RNF130: variants seen among roughly 807,000 people sequenced by gnomAD.
The protein encoded by RNF130 is ring finger protein 130.
RNF130 carries 21 observed loss-of-function variants against 44.6 expected under a neutral mutation model. That is an observed-to-expected ratio of 0.47 (90% confidence interval 0.33 to 0.68). The LOEUF (loss-of-function observed/expected upper bound fraction) is 0.68, where lower values mean the gene tolerates loss of function less well. RNF130 is among the 30% of genes least tolerant of loss of function. The pLI is 0.02. For synonymous variants in RNF130, 214 were observed against 210.4 expected, an observed-to-expected ratio of 1.02 and a Z score of -0.15; for missense variants, 479 against 560.6, an observed-to-expected ratio of 0.85 and a Z score of 1.47.
intron 3 of RNF130, among the ~76,000 whole-genome samples, chr5:179,980,812 A>C (rs546057578): frequency 1.6e-4 from 24 of 152,282 alleles, no homozygotes; most frequent in African/African-American, 4.3e-4. Context: ...AGAAACTCCA[A>C]GGCTGGATTT....
intron 3 of RNF130, among the ~76,000 whole-genome samples, chr5:179,997,084 T>G (rs1763216845): frequency 6.6e-6 from 1 of 152,178 alleles, no homozygotes; most frequent in Admixed American, 6.5e-5. Flanking sequence ...GTTGTCAATT[T>G]TATTTTTTCA....
chr5:179,975,448 G>A (rs1471889414), intron 5 of RNF130, among the ~76,000 whole-genome samples: 1 of 152,234 alleles, frequency 6.6e-6, no homozygotes. Flanking sequence ...AATGTCAACA[G>A]TGCCAAGGCT....
chr5:179,946,764 C>T (rs1431244163), intron 7 of RNF130, among the ~76,000 whole-genome samples: 1 of 152,122 alleles, frequency 6.6e-6, no homozygotes, highest in Non-Finnish European at 1.5e-5. Flanking sequence ...CCGTGTTAGC[C>T]AGGATGGTCT....
At chr5:180,038,067 T>C (rs941974447) in intron 2 of RNF130, among the ~76,000 whole-genome samples, 4 of 152,206 alleles carry the variant, frequency 2.6e-5, no homozygotes, top group African/African-American at 7.2e-5. Context: ...TTTGTGTTTG[T>C]CTTTGAGACA....
intron 7 of RNF130, among the ~76,000 whole-genome samples, chr5:179,966,556 G>A (rs563378207): frequency 6.6e-6 from 1 of 152,262 alleles, no homozygotes; most frequent in East Asian, 1.9e-4. Flanking sequence ...ATAAAACAGC[G>A]ACTAAGACAG....
chr5:179,948,481 C>T (rs112594478), intron 7 of RNF130, among the ~76,000 whole-genome samples: 8,801 of 152,076 alleles, frequency 0.058, 878 homozygotes, highest in African/African-American at 0.2. Context: ...ACAAGCCTAG[C>T]CAACATGGTG....
chr5:179,923,323 G>C (rs551745223), intron 7 of RNF130, among the ~76,000 whole-genome samples: 1 of 152,260 alleles, frequency 6.6e-6, no homozygotes, highest in East Asian at 1.9e-4. Flanking sequence ...AACTGTCTTG[G>C]CACCTTTATG....
At chr5:179,927,707 G>A (rs1008120176) in intron 7 of RNF130, among the ~76,000 whole-genome samples, 1 of 149,958 alleles carries the variant, frequency 6.7e-6, no homozygotes, top group Non-Finnish European at 1.5e-5. Flanking sequence ...TCCTGCCTCA[G>A]TCTCCTGAGT....
intron 3 of RNF130, among the ~76,000 whole-genome samples, chr5:180,003,857 A>T (rs1446350393): frequency 2.6e-5 from 4 of 152,232 alleles, no homozygotes; most frequent in Non-Finnish European, 5.9e-5. Context: ...TCCATGGGGC[A>T]GATGCATTAA....
chr5:180,045,531 T>G (rs549898383), intron 1 of RNF130, among the ~76,000 whole-genome samples: 3 of 152,230 alleles, frequency 2.0e-5, no homozygotes, highest in African/African-American at 7.2e-5. Context: ...AGTGGACCTC[T>G]GCACGTTGCC....
chr5:180,066,175 T>C (rs1765103206), intron 1 of RNF130, among the ~76,000 whole-genome samples: 1 of 152,204 alleles, frequency 6.6e-6, no homozygotes. Flanking sequence ...AGGGACCCAG[T>C]GGGAGATAAC....
intron 2 of RNF130, among the ~76,000 whole-genome samples, chr5:180,026,070 G>T (rs752774088): frequency 5.3e-5 from 8 of 150,298 alleles, no homozygotes; most frequent in Non-Finnish European, 1.0e-4. Context: ...AAGAGAATAT[G>T]ATGGAAAAAA....
At chr5:179,967,085 A>C in intron 6 of RNF130, 75 bp from the exon 7 acceptor site, 2 of 1,382,814 alleles carry the variant, frequency 1.4e-6, no homozygotes, top group Non-Finnish European at 2.0e-6. Context: ...AAAGATTCTA[A>C]ACTTTGACGC....
chr5:180,010,900 T>C (rs755428756), intron 3 of RNF130, among the ~76,000 whole-genome samples: 50 of 152,088 alleles, frequency 3.3e-4, no homozygotes, highest in Non-Finnish European at 6.0e-4. Flanking sequence ...TAAGTACACA[T>C]TAAACTGGAG....
intron 2 of RNF130, among the ~76,000 whole-genome samples, chr5:180,020,896 C>T (rs1255127588): frequency 6.6e-6 from 1 of 152,164 alleles, no homozygotes; most frequent in Non-Finnish European, 1.5e-5. Context: ...AACACAGGAA[C>T]TCCCACAAAT....
chr5:179,973,946 A>C lies in RNF130; in HGVS notation c.849-3440T>G, dbSNP rs563746149. On this transcript the variant is annotated intron_variant, in intron 5 of 8. Transcript: ENST00000521389. Reference sequence around the variant, plus strand: ...GAAACAAATAGAACATGAAAGGAACAAACCCAGCAATCATGAAATTCAGCG... The same window carrying C: ...GAAACAAATAGAACATGAAAGGAACCAACCCAGCAATCATGAAATTCAGCG... Among the ~76,000 whole-genome samples the C allele has an allele frequency of 2.0e-5, 3 of 152,276 alleles. No homozygotes were observed. The South Asian group carries it at 6.2e-4, about 32-fold the overall frequency.
intron 2 of RNF130, among the ~76,000 whole-genome samples, chr5:180,016,244 C>T (rs1350475586): frequency 6.6e-6 from 1 of 152,186 alleles, no homozygotes; most frequent in African/African-American, 2.4e-5. Flanking sequence ...GCCTTCTCCC[C>T]ATACTCCACC....
chr5:180,020,121 G>A (rs1212270304), intron 2 of RNF130, among the ~76,000 whole-genome samples: 2 of 152,166 alleles, frequency 1.3e-5, no homozygotes, highest in South Asian at 2.1e-4. Flanking sequence ...TTTGCAACTC[G>A]AGATGTAACA....
At chr5:180,007,532 CCTT>C (rs1731527705) in intron 3 of RNF130, among the ~76,000 whole-genome samples, 1 of 152,194 alleles carries the variant, frequency 6.6e-6, no homozygotes, top group Non-Finnish European at 1.5e-5. Context: ...GCTGCTGCCA[CCTT>C]CTTATTAAAC....
Sources: gnomAD v4.1 joint callset for allele counts (sites outside exome capture counted in the v4.1 genomes callset) on GRCh38, gnomAD v4.1.1 for gene constraint, MANE v1.5 for transcripts, NCBI Gene and HGNC (gene_info 2026-07-23, HGNC 2026-07-21) for gene names.